The following CHD5 variants were observed in gnomAD, a reference collection of about 807,000 sequenced individuals.
CHD5 encodes chromodomain helicase DNA binding protein 5.
A neutral mutation model predicts 230.3 loss-of-function variants in CHD5; 69 were observed. That is an observed-to-expected ratio of 0.30 (90% CI 0.25 to 0.37). The LOEUF (loss-of-function observed/expected upper bound fraction) is 0.37. Ranked by LOEUF, CHD5 falls within the 10% of genes least tolerant of loss-of-function variation. The pLI is 1.00. For synonymous variants in CHD5, 1,064 were observed against 1,065.9 expected (o/e 1.00, Z 0.03); for missense variants, 1,827 against 2,622.8 (o/e 0.70, Z 6.63).
Position 6,158,147 on chromosome 1 carries a change from CT to C in CHD5, c.387+1188del, listed in dbSNP as rs201377812. ...CACTGCCTGTCCACCAACCTCACCC[CT>C]GGCCTCTCCATCTCCCCAAGGAGCC... On this transcript the variant is annotated intron_variant, in intron 3 of 41. Transcript: ENST00000262450. 6.6e-5 allele frequency among the ~76,000 whole-genome samples: 10 copies of C among 152,370 alleles called. No individual in the cohort carries two copies. The East Asian group carries it at 1.3e-3, about 21-fold the overall frequency.
chr1:6,121,292 G>A lies in CHD5; in HGVS notation c.4780-55C>T, dbSNP rs991447643. The A allele has an allele frequency of 1.9e-6, 3 of 1,584,316 alleles. No individual in the cohort carries two copies. Among genetic ancestry groups the A allele is most frequent in the Non-Finnish European group, 2.6e-6 (3 of 1,166,590 alleles). The stretch of plus-strand genomic sequence containing the variant: ...GGCCTGGGGCCTCACCAGGAACGGA[G>A]GGCGGGGAACGTGCGCTGGGCTGGG... On this transcript the variant is annotated intron_variant, in intron 32 of 41. Coordinates refer to ENST00000262450, the MANE Select transcript of CHD5 (RefSeq NM_015557.3). This position sits in a 1 kb window ranked among gnomAD's most constrained non-coding sequence, Gnocchi z 4.5.
Position 6,102,729 on chromosome 1 carries a change from T to A in CHD5, c.*2745A>T, listed in dbSNP as rs906176999. 6.6e-6 allele frequency: 1 copy of A among 151,970 alleles called. No homozygotes were observed. The highest frequency in any genetic ancestry group is 1.9e-4 in the East Asian group (1 of 5,130). 9.4% of individuals were successfully genotyped at this position (151,970 alleles called of 1,614,324 possible). On this transcript the variant is annotated 3_prime_UTR_variant, in exon 42 of 42. Transcript: ENST00000262450. ...GCCCCCAAAAGCAGGAGGACTTCAA[T>A]CATAGGGGGCAGGGAAAGTCCAGCC...
intron 36 of CHD5, among the ~76,000 whole-genome samples, chr1:6,111,335 A>C (rs1440242554): frequency 6.6e-6 from 1 of 151,824 alleles, no homozygotes; most frequent in Non-Finnish European, 1.5e-5. Context: ...GGAGTTCGAG[A>C]CCAGCCTAGC....
At chr1:6,141,567 A>G (rs577766272) in intron 15 of CHD5, among the ~76,000 whole-genome samples, 151 of 148,692 alleles carry the variant, frequency 1.0e-3, no homozygotes, top group African/African-American at 3.4e-3. Context: ...GTGAGTCGAG[A>G]TCGCCCCACT....
At position 6,151,041 on chromosome 1, in the gene CHD5, T is replaced by G. The variant is rs1666999584; in HGVS notation, c.985A>C (p.Lys329Gln). Residue 329 changes from lysine to glutamine, a missense_variant, in exon 7 of 42, where the codon AAG becomes CAG. This residue lies in a region of CHD5 where 657 missense variants were observed against 816.4 expected (regional missense o/e 0.80). Transcript: ENST00000262450. ...GGAAGGGGAGTCATACTCCTCTTCT[T>G]CTTGCGCCTCCTCTTGCTCTTCTTG... ...LGKKSKRRRK[K>Q]KRIDDGDGYE... The G allele has an allele frequency of 1.9e-6, 3 of 1,571,382 alleles. No individual in the cohort carries two copies. The highest frequency in any genetic ancestry group is 1.4e-5 in the African/African-American group (1 of 73,838).
In CHD5 at chr1:6,111,971, C is replaced by T; in HGVS notation, c.5141-88G>A. Reference sequence around the variant, plus strand: ...TGGAGAGCCGCTCCCTCCCTACTTGCCACTGCCTCCACCCCCAGAGGTCCA... The same window carrying T: ...TGGAGAGCCGCTCCCTCCCTACTTGTCACTGCCTCCACCCCCAGAGGTCCA... On this transcript the variant is annotated intron_variant, in intron 35 of 41. Transcript: ENST00000262450. The T allele has an allele frequency of 2.9e-6, 4 of 1,386,076 alleles. No individual in the cohort carries two copies. In the South Asian group the frequency reaches 3.7e-5, roughly 13 times the overall value. The allele number at this position is 1,386,076 out of a possible 1,614,324, so 85.9% of individuals were successfully genotyped here. A position where few individuals can be genotyped will look rare whatever the true frequency, so the allele number is the denominator to read the frequency against.
chr1:6,162,850 C>A (rs1667199114), intron 2 of CHD5, among the ~76,000 whole-genome samples: 1 of 152,170 alleles, frequency 6.6e-6, no homozygotes, highest in Non-Finnish European at 1.5e-5. Flanking sequence ...AGGACCTGGA[C>A]AAGAAGGGGC....
chr1:6,168,507 G>A (rs1193330659), intron 1 of CHD5, among the ~76,000 whole-genome samples: 3 of 152,342 alleles, frequency 2.0e-5, no homozygotes, highest in East Asian at 1.9e-4. Context: ...TCCCTCCTCT[G>A]TAAATGGGAC....
rs1666871095 is a variant in CHD5, at chr1:6,143,942, G to A, written c.1935-11C>T. 3 of 1,613,996 alleles carry A rather than the reference G, an allele frequency of 1.9e-6. No homozygotes were observed. The highest frequency in any genetic ancestry group is 2.5e-6 in the Non-Finnish European group (3 of 1,180,030). On this transcript the variant is annotated splice_polypyrimidine_tract_variant and intron_variant, in intron 12 of 41. Coordinates refer to ENST00000262450, the MANE Select transcript of CHD5 (RefSeq NM_015557.3). ...CCCAGCATCAGCTCCCTGGGAAACG[G>A]CATTGGAGGCAGGTGAGCAAGGCTC...
Position 6,144,080 on chromosome 1 carries a change from G to C in CHD5, c.1878C>G (p.Ile626Met), listed in dbSNP as rs777063752. The C allele has an allele frequency of 1.2e-6, 2 of 1,614,200 alleles. No individual in the cohort carries two copies. Among genetic ancestry groups the C allele is most frequent in the Non-Finnish European group, 1.7e-6 (2 of 1,180,026 alleles). The change falls in exon 12 of 42, where the codon ATC becomes ATG. Residue 626 changes from isoleucine to methionine, a missense_variant. Physicochemically the swap from Ile to Met is conservative, Grantham distance 10 (BLOSUM62 1). This residue lies in a region of CHD5 where 657 missense variants were observed against 816.4 expected (regional missense o/e 0.80). Coordinates refer to ENST00000262450, the MANE Select transcript of CHD5 (RefSeq NM_015557.3). ...DLPYDQCTWE[I>M]DDIDIPYYDN... ...CGTAGTAGGGGATGTCGATGTCATC[G>C]ATCTCCCAGGTGCACTGGTCGTAGG...
At position 6,128,033 on chromosome 1, in the gene CHD5, C is replaced by T. The variant is rs1666591259; in HGVS notation, c.3903+13G>A. The T allele has an allele frequency of 1.9e-6, 3 of 1,584,958 alleles. No homozygotes were observed. The highest frequency in any genetic ancestry group is 2.7e-5 in the African/African-American group (2 of 74,526). On this transcript the variant is annotated intron_variant, in intron 25 of 41. Transcript: ENST00000262450. The surrounding 1 kb of genome is among the most constrained non-coding windows in gnomAD (Gnocchi z 7.8). ...GGCGGGGCTGCGGATGGAGGGCGGG[C>T]CGGGGACCTTACCACGCCGTCCTCC...
intron 1 of CHD5, among the ~76,000 whole-genome samples, chr1:6,179,163 T>C (rs749597006): frequency 6.6e-6 from 1 of 151,426 alleles, no homozygotes. Context: ...AGGAGAGAGA[T>C]GGTAGGGGCA....
At chr1:6,140,406 A>G (rs1411000689) in intron 15 of CHD5, among the ~76,000 whole-genome samples, 2 of 151,636 alleles carry the variant, frequency 1.3e-5, no homozygotes, top group African/African-American at 2.4e-5. Flanking sequence ...CTCAAAAAAA[A>G]AAAAGAAAAG....
intron 20 of CHD5, among the ~76,000 whole-genome samples, chr1:6,133,725 G>A (rs371809598): frequency 2.0e-5 from 3 of 152,362 alleles, no homozygotes; most frequent in East Asian, 1.9e-4. Context: ...CTGAGCCGGC[G>A]GCCCTGCCTC....
intron 1 of CHD5, among the ~76,000 whole-genome samples, chr1:6,170,669 T>C (rs1437136855): frequency 6.6e-6 from 1 of 152,082 alleles, no homozygotes; most frequent in African/African-American, 2.4e-5. Flanking sequence ...CCGCCCCAGG[T>C]GGGTTTATGT....
rs773527131 is a variant in CHD5 at position 6,154,576 on chromosome 1, G to A, written c.745+84C>T. 1.1e-4 allele frequency: 144 copies of A among 1,272,608 alleles called. 1 individual carries two copies. The highest frequency in any genetic ancestry group is 1.4e-4 in the Non-Finnish European group (132 of 942,936). 78.8% of individuals were successfully genotyped at this position (1,272,608 alleles called of 1,614,324 possible). On this transcript the variant is annotated intron_variant, in intron 5 of 41. Coordinates refer to ENST00000262450, the MANE Select transcript of CHD5 (RefSeq NM_015557.3). The surrounding 1 kb of genome is among the most constrained non-coding windows in gnomAD (Gnocchi z 7.0). ...GCACCCCAGCTGCCCCTCCCTGCCC[G>A]CGTCTGCCCCGTGGCTTCTCCTATA...
chr1:6,168,394 A>G, intron 1 of CHD5, 117 bp from the exon 2 acceptor site: 1 of 1,276,132 alleles, frequency 7.8e-7, no homozygotes, highest in South Asian at 1.6e-5. Flanking sequence ...GTGCCAGGTC[A>G]CAGCTGCCCT....
At chr1:6,144,404 A>C (rs906698433) in intron 11 of CHD5, among the ~76,000 whole-genome samples, 1 of 152,212 alleles carries the variant, frequency 6.6e-6, no homozygotes, top group African/African-American at 2.4e-5. Context: ...CAGAGGAGCA[A>C]TGAGCCAGCC....
At chr1:6,109,743 T>A in intron 38 of CHD5, 52 bp downstream of exon 38, 1 of 1,514,870 alleles carries the variant, frequency 6.6e-7, no homozygotes, top group Non-Finnish European at 9.1e-7. Context: ...GAGCGCTCGC[T>A]GGGCAGGAGG....
Sources: allele counts gnomAD v4.1 joint callset (sites outside exome capture counted in the v4.1 genomes callset), GRCh38; gene constraint gnomAD v4.1.1; regional missense constraint gnomAD v4.1.1; non-coding constraint Gnocchi (gnomAD v3.1); transcripts MANE v1.5; gene names NCBI Gene and HGNC (gene_info 2026-07-23, HGNC 2026-07-21).